DNMBP: variants seen among roughly 807,000 people sequenced by gnomAD.
DNMBP encodes the protein dynamin binding protein, also known as dynamin-binding protein.
A neutral mutation model predicts 150.0 loss-of-function variants in DNMBP; 87 were observed. The ratio of observed to expected loss-of-function variants is 0.58; its 90% CI spans 0.49 to 0.69. The LOEUF (loss-of-function observed/expected upper bound fraction) is 0.69. DNMBP is among the 30% of genes least tolerant of loss of function. DNMBP has a pLI of 0.00. For synonymous variants in DNMBP, 711 were observed against 750.4 expected (o/e 0.95, Z 0.86); for missense variants, 1,774 against 1,949.0 (o/e 0.91, Z 1.69).
intron 4 of DNMBP, among the ~76,000 whole-genome samples, chr10:99,933,666 G>A (rs1016712935): frequency 3.3e-5 from 5 of 152,214 alleles, no homozygotes; most frequent in African/African-American, 9.6e-5. Flanking sequence ...TCAGTCACCA[G>A]TGCATTCCCT....
chr10:99,980,252 C>T (rs974269060), intron 1 of DNMBP, among the ~76,000 whole-genome samples: 1 of 152,124 alleles, frequency 6.6e-6, no homozygotes, highest in African/African-American at 2.4e-5. Context: ...CAAGACAAGC[C>T]TGGCCAACGT....
At chr10:99,924,429 C>T (rs1197047626) in intron 4 of DNMBP, among the ~76,000 whole-genome samples, 2 of 152,154 alleles carry the variant, frequency 1.3e-5, no homozygotes, top group African/African-American at 2.4e-5. Context: ...GGCGACAGAG[C>T]GAGACTCCGT....
chr10:99,889,602 A>T (rs976428931), intron 11 of DNMBP: 3 of 152,236 alleles, frequency 2.0e-5, no homozygotes, highest in African/African-American at 7.2e-5. Flanking sequence ...ACTCCTCCTG[A>T]CAGTGACTGA....
At chr10:99,911,680 T>G (rs1207537942) in intron 4 of DNMBP, among the ~76,000 whole-genome samples, 1 of 152,236 alleles carries the variant, frequency 6.6e-6, no homozygotes, top group African/African-American at 2.4e-5. Flanking sequence ...TTCATTGTAC[T>G]ATTGCAATTT....
Position 99,886,385 on chromosome 10 carries a change from A to C in DNMBP, c.3533T>G (p.Leu1178Arg). Reference sequence around the variant, plus strand: ...ATAGCCGTGGACACAGTTGGTGAAGAGGCCCTGGGCGTACTGGTGGAACTT... The same window carrying C: ...ATAGCCGTGGACACAGTTGGTGAAGCGGCCCTGGGCGTACTGGTGGAACTT... Reference protein sequence around the residue: ...LPKFHQYAQGLFTNCVHGYAE... With the variant: ...LPKFHQYAQGRFTNCVHGYAE... Residue 1178 changes from leucine (L) to arginine (R), a missense_variant, in exon 13 of 17, where the codon CTC becomes CGC. This residue lies in a region of DNMBP where 1,430 missense variants were observed against 1,492.5 expected (regional missense o/e 0.96). Coordinates refer to ENST00000324109, the MANE Select transcript of DNMBP (RefSeq NM_015221.4). 1.9e-6 allele frequency: 3 copies of C among 1,614,198 alleles called. No homozygotes were observed. The highest frequency in any genetic ancestry group is 2.5e-6 in the Non-Finnish European group (3 of 1,180,032).
chr10:99,973,844 A>G (rs1240518945), intron 1 of DNMBP, among the ~76,000 whole-genome samples: 1 of 152,146 alleles, frequency 6.6e-6, no homozygotes, highest in Non-Finnish European at 1.5e-5. Context: ...AGTCAGGCAC[A>G]GTGGCGGGTG....
rs754835222 is a variant in DNMBP at position 99,972,129 on chromosome 10, T to C, written c.-5A>G. 14 of 1,610,412 alleles carry C rather than the reference T, an allele frequency of 8.7e-6. No individual in the cohort carries two copies. Among genetic ancestry groups the C allele is most frequent in the African/African-American group, 2.7e-5 (2 of 74,602 alleles). On this transcript the variant is annotated 5_prime_UTR_variant, in exon 2 of 17. It adds an upstream start codon to the 5' untranslated region. Coordinates refer to ENST00000324109, the MANE Select transcript of DNMBP (RefSeq NM_015221.4). ...AACCACTGAGCCAGCCTCCATGTTT[T>C]ATAACCTGGAAAGATAGATCAAGAG...
rs150615661 is a variant in DNMBP at position 99,920,364 on chromosome 10, C to T, written c.2261-11218G>A. ...TGCTGGGACTACAGGTGTGAGCCACCGCGCCCAGCCCTATATTTCCAATAT... is the reference window on the plus strand; with the variant it reads ...TGCTGGGACTACAGGTGTGAGCCACTGCGCCCAGCCCTATATTTCCAATAT... On this transcript the variant is annotated intron_variant, in intron 4 of 16. Coordinates refer to ENST00000324109, the MANE Select transcript of DNMBP (RefSeq NM_015221.4). 3.9e-3 allele frequency among the ~76,000 whole-genome samples: 591 copies of T among 152,180 alleles called. 1 individual carries two copies. Among genetic ancestry groups the T allele is most frequent in the South Asian group, 7.3e-3 (35 of 4,822 alleles).
chr10:99,896,164 G>C, intron 10 of DNMBP, 103 bp downstream of exon 10: 1 of 1,363,950 alleles, frequency 7.3e-7, no homozygotes, highest in South Asian at 1.4e-5. Flanking sequence ...ACCGGAGGAC[G>C]TCTGAGGAAG....
chr10:99,989,384 C>T (rs116561044), intron 1 of DNMBP, among the ~76,000 whole-genome samples: 2,525 of 152,268 alleles, frequency 0.017, 38 homozygotes, highest in African/African-American at 0.037. Flanking sequence ...GCCCCTGGCT[C>T]TTTAGCCTGG....
At position 99,886,532 on chromosome 10, in the gene DNMBP, A is replaced by C. The variant is rs1425111814; in HGVS notation, c.3386T>G (p.Leu1129Arg). 1 of 1,614,084 alleles carries C rather than the reference A, an allele frequency of 6.2e-7. No individual in the cohort carries two copies. Among genetic ancestry groups the C allele is most frequent in the Non-Finnish European group, 8.5e-7 (1 of 1,180,048 alleles). The change falls in exon 13 of 17, where the codon CTG (leucine) becomes CGG (arginine). Residue 1129 changes from leucine to arginine, a missense_variant. Leu to Arg is a moderately radical substitution (Grantham distance 102). This residue lies in a region of DNMBP where 1,430 missense variants were observed against 1,492.5 expected (regional missense o/e 0.96). Coordinates refer to ENST00000324109, the MANE Select transcript of DNMBP (RefSeq NM_015221.4). Reference protein sequence around the residue: ...KLVQKRFDKLLDFYNCTERAE... With the variant: ...KLVQKRFDKLRDFYNCTERAE... ...CCGTTCTGTACAGTTATAGAAGTCCAGGAGCTTGTCAAAGCGTTTCTGTAC... is the reference window on the plus strand; with the variant it reads ...CCGTTCTGTACAGTTATAGAAGTCCCGGAGCTTGTCAAAGCGTTTCTGTAC...
intron 1 of DNMBP, among the ~76,000 whole-genome samples, chr10:99,995,591 T>C (rs2040942439): frequency 6.6e-6 from 1 of 152,206 alleles, no homozygotes; most frequent in Non-Finnish European, 1.5e-5. Context: ...GTTTAAGTCA[T>C]GACCAAACAG....
chr10:99,952,187 A>C (rs1168040511), intron 4 of DNMBP, among the ~76,000 whole-genome samples: 3 of 152,190 alleles, frequency 2.0e-5, no homozygotes, highest in Non-Finnish European at 4.4e-5. Context: ...GGCCTCCCCA[A>C]CCATGTGGAA....
chr10:99,883,376 A>AAG (rs2039398949), intron 15 of DNMBP, among the ~76,000 whole-genome samples: 1 of 152,120 alleles, frequency 6.6e-6, no homozygotes, highest in Non-Finnish European at 1.5e-5. Flanking sequence ...TGGAAACTGG[A>AAG]AGAGGTGCTG....
At chr10:99,965,911 G>A (rs988069349) in intron 3 of DNMBP, among the ~76,000 whole-genome samples, 10 of 152,150 alleles carry the variant, frequency 6.6e-5, no homozygotes, top group African/African-American at 2.2e-4. Flanking sequence ...AAGTTGAAGC[G>A]CCATCCCAAG....
chr10:99,891,182 C>T (rs1420710544), intron 11 of DNMBP, among the ~76,000 whole-genome samples: 1 of 147,196 alleles, frequency 6.8e-6, no homozygotes, highest in African/African-American at 2.5e-5. Context: ...CCCTCCCCCT[C>T]TCCCTCTCCC....
chr10:99,966,487 G>A (rs1180678929), intron 3 of DNMBP, among the ~76,000 whole-genome samples: 2 of 152,262 alleles, frequency 1.3e-5, no homozygotes, highest in African/African-American at 2.4e-5. Context: ...AGAATCTCTC[G>A]GATGGCATGC....
intron 11 of DNMBP, 76 bp from the exon 12 acceptor site, chr10:99,889,029 TAG>T (rs2133206800): frequency 1.3e-6 from 2 of 1,517,214 alleles, no homozygotes; most frequent in Non-Finnish European, 1.8e-6. Flanking sequence ...CAAGACTGAA[TAG>T]CAGTCTTGGA....
intron 15 of DNMBP, among the ~76,000 whole-genome samples, chr10:99,883,632 C>T (rs2039403185): frequency 1.2e-5 from 1 of 82,870 alleles, no homozygotes; most frequent in Non-Finnish European, 2.3e-5. Context: ...CAGAGCAAGA[C>T]TGCCACAAAA....
Sources: allele counts gnomAD v4.1 joint callset (sites outside exome capture counted in the v4.1 genomes callset), GRCh38; gene constraint gnomAD v4.1.1; regional missense constraint gnomAD v4.1.1; transcripts MANE v1.5; gene names NCBI Gene and HGNC (gene_info 2026-07-23, HGNC 2026-07-21).